The following CAPN12 variants were observed in gnomAD, a reference collection of about 807,000 sequenced individuals.
CAPN12 encodes calpain-12.
Under a neutral mutation model 95.0 loss-of-function variants are expected in CAPN12, and 107 were observed. The observed-to-expected ratio is 1.13, with a 90% confidence interval of 0.96 to 1.32. The LOEUF is 1.32. Ranked by LOEUF, CAPN12 falls within the 40% of genes most tolerant of loss-of-function variation. The pLI is 0.00. For synonymous variants in CAPN12, 505 were observed against 415.5 expected, an observed-to-expected ratio of 1.22 and a Z score of -2.62; for missense variants, 1,136 against 997.8, an observed-to-expected ratio of 1.14 and a Z score of -1.87.
rs762354362 is a variant in CAPN12, at chr19:38,736,099, C to T, written c.1583+11G>A. The T allele has an allele frequency of 2.0e-6, 3 of 1,481,098 alleles. No individual in the cohort carries two copies. In the South Asian group the frequency reaches 3.8e-5, roughly 19 times the overall value. The allele number at this position is 1,481,098 out of a possible 1,614,324, so 91.7% of individuals were successfully genotyped here. ...CAGGGATGGGGTCGGATTTGGGTGC[C>T]CGGGGCTCACACGGCCGTGTGGCGG... On this transcript the variant is annotated intron_variant, in intron 12 of 20. Coordinates refer to ENST00000328867, the MANE Select transcript of CAPN12 (RefSeq NM_144691.4).
At chr19:38,736,723 G>A (rs1419787304) in intron 10 of CAPN12, 160 bp from the exon 11 acceptor site, 3 of 871,570 alleles carry the variant, frequency 3.4e-6, no homozygotes, top group Middle Eastern at 2.3e-4. Context: ...CCAGGCCCTC[G>A]CCGACCCCTC....
At chr19:38,735,017 G>C (rs1016399210) in intron 14 of CAPN12, 147 bp from the exon 15 acceptor site, 1 of 705,572 alleles carries the variant, frequency 1.4e-6, no homozygotes, top group Non-Finnish European at 2.4e-6. Flanking sequence ...CACAGGGCCA[G>C]GGCTGTGACG....
At chr19:38,740,354 C>T in intron 4 of CAPN12, 135 bp from the exon 5 acceptor site, 2 of 967,570 alleles carry the variant, frequency 2.1e-6, no homozygotes, top group Admixed American at 3.0e-5. Flanking sequence ...GAGACTTTTT[C>T]CAGGGTCACC....
chr19:38,734,684 G>A (rs1969887843), intron 15 of CAPN12, 129 bp downstream of exon 15: 2 of 822,994 alleles, frequency 2.4e-6, no homozygotes, highest in Admixed American at 2.7e-5. Flanking sequence ...ATGCTGCCAG[G>A]CTGAGCCCTG....
intron 7 of CAPN12, 21 bp downstream of exon 7, chr19:38,738,397 C>G: frequency 3.1e-6 from 5 of 1,610,930 alleles, no homozygotes; most frequent in Non-Finnish European, 4.2e-6. Context: ...CAGCCCCACA[C>G]CCACCCCAGA....
intron 10 of CAPN12, 189 bp downstream of exon 10, chr19:38,736,964 ACTC>A: frequency 9.9e-6 from 1 of 100,644 alleles, no homozygotes; most frequent in East Asian, 2.7e-4. Flanking sequence ...CTGCTCCTCC[ACTC>A]CTCCCCTCCT....
At chr19:38,732,330 CTTTTTCT>C (rs1056697358) in intron 18 of CAPN12, among the ~76,000 whole-genome samples, 13 of 152,130 alleles carry the variant, frequency 8.5e-5, no homozygotes, top group Admixed American at 1.3e-4. Flanking sequence ...TTGACTTGGG[CTTTTTCT>C]TTTTTCTTTT....
At chr19:38,743,138 G>T in intron 1 of CAPN12, 36 bp from the exon 2 acceptor site, 1 of 1,611,754 alleles carries the variant, frequency 6.2e-7, no homozygotes, top group Non-Finnish European at 8.5e-7. Context: ...CTCAGCCTGA[G>T]AAAGCGAGGA....
In CAPN12 at chr19:38,731,033, G is replaced by C. The variant is rs1969550010; in HGVS notation, c.2075-10C>G. On this transcript the variant is annotated splice_polypyrimidine_tract_variant and intron_variant, in intron 19 of 20. Transcript: ENST00000328867. ...TGCTGGCTGCAGTGGCCTGTGCAGA[G>C]AGGGGCAGGGTGAGTGCCCACCAGT... 3 of 1,555,856 alleles carry C rather than the reference G, an allele frequency of 1.9e-6. No individual in the cohort carries two copies. The highest frequency in any genetic ancestry group is 2.6e-6 in the Non-Finnish European group (3 of 1,150,320).
intron 4 of CAPN12, among the ~76,000 whole-genome samples, chr19:38,740,733 A>G (rs1457485058): frequency 3.3e-5 from 5 of 151,742 alleles, no homozygotes; most frequent in African/African-American, 9.7e-5. Flanking sequence ...TCGGGAGGCG[A>G]AGGTTGCAGT....
intron 14 of CAPN12, chr19:38,735,082 AGGGG>A: frequency 1.7e-6 from 1 of 604,410 alleles, no homozygotes; most frequent in Non-Finnish European, 2.9e-6. Context: ...GGCCTGGGGC[AGGGG>A]GGTGGTCAGG....
intron 1 of CAPN12, 164 bp from the exon 2 acceptor site, chr19:38,743,266 C>T: frequency 1.4e-6 from 1 of 706,426 alleles, no homozygotes; most frequent in South Asian, 1.8e-5. Context: ...CCATGGTAGC[C>T]CCCTCCTCCC....
chr19:38,736,788 C>A, intron 10 of CAPN12: 1 of 605,006 alleles, frequency 1.7e-6, no homozygotes, highest in Non-Finnish European at 2.9e-6. Context: ...ATCCTTGGTC[C>A]CCTCTGGCCC....
intron 18 of CAPN12, among the ~76,000 whole-genome samples, chr19:38,732,098 A>T (rs1430698130): frequency 1.3e-5 from 2 of 152,206 alleles, no homozygotes; most frequent in East Asian, 3.9e-4. Flanking sequence ...CCCGTTTGAG[A>T]AATTCTCAAG....
At chr19:38,742,850 C>CAAAAAAAAA (rs11406594) in intron 2 of CAPN12, among the ~76,000 whole-genome samples, 183 bp downstream of exon 2, 647 of 53,268 alleles carry the variant, frequency 0.012, 40 homozygotes, top group Admixed American at 0.032. Context: ...GACCCCATCT[C>CAAAAAAAAA]AAAAAAAAAA....
At chr19:38,733,937 C>T in intron 17 of CAPN12, 156 bp from the exon 18 acceptor site, 1 of 800,182 alleles carries the variant, frequency 1.2e-6, no homozygotes. Flanking sequence ...TTCTGTTTCC[C>T]AATCTGTAAA....
chr19:38,736,416 C>G, intron 11 of CAPN12, 98 bp from the exon 12 acceptor site: 1 of 1,519,596 alleles, frequency 6.6e-7, no homozygotes, highest in Non-Finnish European at 8.9e-7. Flanking sequence ...AACCCCTGTC[C>G]ACGCCTCCCC....
chr19:38,733,938 A>G (rs900439583), intron 17 of CAPN12, 157 bp from the exon 18 acceptor site: 2 of 793,228 alleles, frequency 2.5e-6, no homozygotes, highest in Non-Finnish European at 4.0e-6. Flanking sequence ...TCTGTTTCCC[A>G]ATCTGTAAAA....
rs1301665372 is a variant in CAPN12 at position 38,730,511 on chromosome 19, A to G, written c.*341T>C. On this transcript the variant is annotated 3_prime_UTR_variant, in exon 21 of 21. Coordinates refer to ENST00000328867, the MANE Select transcript of CAPN12 (RefSeq NM_144691.4). ...CCCTCTGGGGACAGGATAATAAAAC[A>G]TGTAATATTTTTAAGAAGGATTCCT... The G allele has an allele frequency of 2.7e-6, 1 of 364,250 alleles. No individual in the cohort carries two copies. 22.6% of individuals were successfully genotyped at this position (364,250 alleles called of 1,614,324 possible).
Sources: allele counts gnomAD v4.1 joint callset (sites outside exome capture counted in the v4.1 genomes callset), GRCh38; gene constraint gnomAD v4.1.1; transcripts MANE v1.5; gene names NCBI Gene and HGNC (gene_info 2026-07-23, HGNC 2026-07-21).